Variants in CDK5 observed in about 807,000 individuals in gnomAD.
The protein encoded by CDK5 is cyclin dependent kinase 5, also known as cyclin-dependent kinase 5.
A neutral mutation model predicts 44.6 loss-of-function variants in CDK5; 18 were observed. The ratio of observed to expected loss-of-function variants is 0.40; its 90% confidence interval spans 0.28 to 0.60. The LOEUF (loss-of-function observed/expected upper bound fraction) is 0.60. Among genes scored for constraint, CDK5 ranks in the 20% least tolerant of loss-of-function variants. The pLI, the probability that CDK5 is intolerant of heterozygous loss-of-function variation, is 0.38. For missense variants in CDK5, 198 were observed against 368.1 expected (o/e 0.54, Z 3.78); for synonymous variants, 143 against 152.8 (o/e 0.94, Z 0.47).
chr7:151,054,012 G>A lies in CDK5; in HGVS notation c.876C>T (p.Pro292=). 2 of 1,589,658 alleles carry A rather than the reference G, an allele frequency of 1.3e-6. No homozygotes were observed. The highest frequency in any genetic ancestry group is 1.1e-5 in the South Asian group (1 of 87,392). Reference sequence around the variant, plus strand: ...TGGAGGCCGGGGGTCCCGGGGCCTAGGGCGGACAGAAGTCGGAGAAGTAGG... The same window carrying A: ...TGGAGGCCGGGGGTCCCGGGGCCTAAGGCGGACAGAAGTCGGAGAAGTAGG... ...QHPYFSDFCP[P] The change falls in exon 12 of 12, where the codon CCC becomes CCT. Residue 292 remains proline, a synonymous_variant. Transcript: ENST00000485972. The surrounding 1 kb of genome is among the most constrained non-coding windows in gnomAD (Gnocchi z 5.7).
chr7:151,054,527 G>A lies in CDK5; in HGVS notation c.651-62C>T, dbSNP rs1432982924. 4 of 1,485,216 alleles carry A rather than the reference G, an allele frequency of 2.7e-6. No homozygotes were observed. In the African/African-American group the frequency reaches 4.2e-5, roughly 15 times the overall value. 92.0% of individuals were successfully genotyped at this position (1,485,216 alleles called of 1,614,324 possible). On this transcript the variant is annotated intron_variant, in intron 9 of 11. Transcript: ENST00000485972. This position sits in a 1 kb window ranked among gnomAD's most constrained non-coding sequence, Gnocchi z 5.7. ...ACAGCTGCATCTTCAGGGGCAGGGT[G>A]AGGGCCTCTTCCCCTCCTGGGGAGG...
At position 151,055,521 on chromosome 7, in the gene CDK5, T is replaced by C. The variant is rs2069456; in HGVS notation, c.483+11A>G. The stretch of plus-strand genomic sequence containing the variant: ...CCCTCCCCCAATCCCATATCCCATC[T>C]TCTAGCTCACCTCAGCTGAGTAACA... On this transcript the variant is annotated intron_variant, in intron 7 of 11. Transcript: ENST00000485972. 7 of 1,612,402 alleles carry C rather than the reference T, an allele frequency of 4.3e-6. No individual in the cohort carries two copies. Among genetic ancestry groups the C allele is most frequent in the Non-Finnish European group, 5.1e-6 (6 of 1,178,846 alleles).
rs1365618168 is a variant in CDK5 at position 151,056,871 on chromosome 7, C to T, written c.194+37G>A. On this transcript the variant is annotated intron_variant, in intron 3 of 11. Transcript: ENST00000485972. The surrounding 1 kb of genome is among the most constrained non-coding windows in gnomAD (Gnocchi z 4.7). ...AGTGTCAGCCCCCGCCTCCCCCAAG[C>T]GGCCACACCGGCAAGGAGCACCCGC... 2 of 1,593,666 alleles carry T rather than the reference C, an allele frequency of 1.3e-6. No homozygotes were observed. The highest frequency in any genetic ancestry group is 1.7e-6 in the Non-Finnish European group (2 of 1,170,330).
Position 151,054,015 on chromosome 7 carries a change from C to A in CDK5, c.873G>T (p.Pro291=), listed in dbSNP as rs773329997. 1 of 1,590,750 alleles carries A rather than the reference C, an allele frequency of 6.3e-7. No homozygotes were observed. Among genetic ancestry groups the A allele is most frequent in the Admixed American group, 1.8e-5 (1 of 56,200 alleles). ...AGGCCGGGGGTCCCGGGGCCTAGGG[C>A]GGACAGAAGTCGGAGAAGTAGGGGT... is the stretch of plus-strand genomic sequence containing the variant. ...LQHPYFSDFC[P]P is the part of the protein sequence containing the mutation. Residue 291 remains proline (P), a synonymous_variant, in exon 12 of 12, where the codon CCG becomes CCT. Coordinates refer to ENST00000485972, the MANE Select transcript of CDK5 (RefSeq NM_004935.4). The surrounding 1 kb of genome is among the most constrained non-coding windows in gnomAD (Gnocchi z 5.7).
intron 8 of CDK5, 39 bp downstream of exon 8, chr7:151,055,238 T>C (rs776292430): frequency 1.3e-6 from 2 of 1,588,484 alleles, no homozygotes; most frequent in Non-Finnish European, 1.7e-6. Context: ...TCAACTCAAA[T>C]GGGAAAGAAG....
chr7:151,057,853 G>A lies in CDK5; in HGVS notation c.-5C>T, dbSNP rs752935256. The A allele has an allele frequency of 2.5e-6, 4 of 1,609,930 alleles. No individual in the cohort carries two copies. The East Asian group carries it at 6.7e-5, about 27-fold the overall frequency. On this transcript the variant is annotated 5_prime_UTR_variant, in exon 1 of 12. Coordinates refer to ENST00000485972, the MANE Select transcript of CDK5 (RefSeq NM_004935.4). The surrounding 1 kb of genome is among the most constrained non-coding windows in gnomAD (Gnocchi z 5.2). ...CAGTTTCTCGTATTTCTGCATCGCGGCGGCCGCGGGGACCCCTGCGGGCCC... is the reference window on the plus strand; with the variant it reads ...CAGTTTCTCGTATTTCTGCATCGCGACGGCCGCGGGGACCCCTGCGGGCCC...
chr7:151,056,526 CG>C lies in CDK5; in HGVS notation c.312+53del. The stretch of plus-strand genomic sequence containing the variant: ...CTTAGAGCCCAAGGGGTGCTTACAC[CG>C]AATGCAGACTCCGACCCCAGCCTGA... On this transcript the variant is annotated intron_variant, in intron 5 of 11. Coordinates refer to ENST00000485972, the MANE Select transcript of CDK5 (RefSeq NM_004935.4). The surrounding 1 kb of genome is among the most constrained non-coding windows in gnomAD (Gnocchi z 4.7). 6.5e-7 allele frequency: 1 copy of C among 1,532,436 alleles called. No homozygotes were observed. Among genetic ancestry groups the C allele is most frequent in the Admixed American group, 1.7e-5 (1 of 57,692 alleles). 94.9% of individuals were successfully genotyped at this position (1,532,436 alleles called of 1,614,324 possible). A position where few individuals can be genotyped will look rare whatever the true frequency, so the allele number is the denominator to read the frequency against.
In CDK5 at chr7:151,056,449, C is replaced by T. The variant is rs1796895999; in HGVS notation, c.312+131G>A. ...ACTGGAGACCCCTGGAGGACAGAAACAGGGTTTTCTCATTCTCTAACACCC... is the reference window on the plus strand; with the variant it reads ...ACTGGAGACCCCTGGAGGACAGAAATAGGGTTTTCTCATTCTCTAACACCC... On this transcript the variant is annotated intron_variant, in intron 5 of 11. Transcript: ENST00000485972. The surrounding 1 kb of genome is among the most constrained non-coding windows in gnomAD (Gnocchi z 4.7). 1 of 776,978 alleles carries T rather than the reference C, an allele frequency of 1.3e-6. No homozygotes were observed. Among genetic ancestry groups the T allele is most frequent in the Non-Finnish European group, 2.2e-6 (1 of 458,770 alleles). 48.1% of individuals were successfully genotyped at this position (776,978 alleles called of 1,614,324 possible).
chr7:151,055,172 T>G, intron 8 of CDK5, 76 bp from the exon 9 acceptor site: 1 of 1,570,090 alleles, frequency 6.4e-7, no homozygotes, highest in Non-Finnish European at 8.7e-7. Context: ...ACCTTCCAGC[T>G]CCAGTCCCAG....
Position 151,053,890 on chromosome 7 carries a change from C to T in CDK5, c.*119G>A, listed in dbSNP as rs894906606. On this transcript the variant is annotated 3_prime_UTR_variant, in exon 12 of 12. Transcript: ENST00000485972. ...GAGAAATTCGGGCTCAGGCACCCCA[C>T]CCCGGCTGGGCCCAGCACTGCTGGA... 3.6e-6 allele frequency: 3 copies of T among 830,576 alleles called. No individual in the cohort carries two copies. In the Admixed American group the frequency reaches 8.5e-5, roughly 23 times the overall value. The allele number at this position is 830,576 out of a possible 1,614,324, so 51.5% of individuals were successfully genotyped here.
Position 151,055,027 on chromosome 7 carries a change from C to A in CDK5, c.650G>T (p.Arg217Leu). The A allele has an allele frequency of 6.2e-7, 1 of 1,613,766 alleles. No individual in the cohort carries two copies. Among genetic ancestry groups the A allele is most frequent in the Non-Finnish European group, 8.5e-7 (1 of 1,179,786 alleles). ...DVDDQLKRIF[R>L]LLGTPTEEQW... ...TCAAGGCAGAGGAAAGCAAGGATAT[C>A]GGAAGATCCTCTTCAACTGGTCATC... is the stretch of plus-strand genomic sequence containing the variant. The change falls in exon 9 of 12, where the codon CGA (arginine) becomes CTA (leucine). Residue 217 changes from arginine (R) to leucine (L), a missense_variant and splice_region_variant. Coordinates refer to ENST00000485972, the MANE Select transcript of CDK5 (RefSeq NM_004935.4).
In CDK5 at chr7:151,054,199, C is replaced by T. The variant is rs765484613; in HGVS notation, c.792+13G>A. 1.2e-6 allele frequency: 2 copies of T among 1,609,574 alleles called. No individual in the cohort carries two copies. The highest frequency in any genetic ancestry group is 2.7e-5 in the African/African-American group (2 of 74,808). On this transcript the variant is annotated intron_variant, in intron 11 of 11. Coordinates refer to ENST00000485972, the MANE Select transcript of CDK5 (RefSeq NM_004935.4). The surrounding 1 kb of genome is among the most constrained non-coding windows in gnomAD (Gnocchi z 5.7). ...CAAGTGTCCTGACCCACCCTCTACC[C>T]CTGGTCACCTACCTGCAGCAGATCC...
intron 7 of CDK5, 21 bp downstream of exon 7, chr7:151,055,511 A>G (rs772051532): frequency 1.5e-5 from 24 of 1,610,570 alleles, no homozygotes; most frequent in Middle Eastern, 1.7e-4. Flanking sequence ...CCCCAATCCC[A>G]TATCCCATCT....
chr7:151,054,712 T>C lies in CDK5; in HGVS notation c.651-247A>G, dbSNP rs1796860419. 6.6e-6 allele frequency among the ~76,000 whole-genome samples: 1 copy of C among 152,194 alleles called. No individual in the cohort carries two copies. The highest frequency in any genetic ancestry group is 1.5e-5 in the Non-Finnish European group (1 of 68,024). ...GTCCTAGTCCTAATGAAACAGTCCT[T>C]GCCCTGCTCCCACAAAATGTGTCCT... On this transcript the variant is annotated intron_variant, in intron 9 of 11. Transcript: ENST00000485972. This position sits in a 1 kb window ranked among gnomAD's most constrained non-coding sequence, Gnocchi z 5.7.
In CDK5 at chr7:151,054,049, G is replaced by T; in HGVS notation, c.839C>A (p.Ala280Asp). 2 of 1,601,444 alleles carry T rather than the reference G, an allele frequency of 1.2e-6. No homozygotes were observed. Among genetic ancestry groups the T allele is most frequent in the Non-Finnish European group, 1.7e-6 (2 of 1,174,254 alleles). The change falls in exon 12 of 12, where the codon GCC (alanine) becomes GAC (aspartate). Residue 280 changes from alanine to aspartate, a missense_variant. Ala to Asp is a moderately radical substitution (Grantham distance 126, BLOSUM62 -2). Transcript: ENST00000485972. The surrounding 1 kb of genome is among the most constrained non-coding windows in gnomAD (Gnocchi z 5.7). ...GTCGGAGAAGTAGGGGTGCTGCAGG[G>T]CCTCTTCTGCTGAGATACGCTGGAC... ...NPVQRISAEE[A>D]LQHPYFSDFC...
chr7:151,057,346 AGGCTCCAGG>A lies in CDK5; in HGVS notation c.38-195_38-187del, dbSNP rs1322400607. The A allele has an allele frequency of 3.1e-6, 2 of 638,014 alleles. No individual in the cohort carries two copies. Among genetic ancestry groups the A allele is most frequent in the Non-Finnish European group, 5.6e-6 (2 of 354,182 alleles). 39.5% of individuals were successfully genotyped at this position (638,014 alleles called of 1,614,324 possible). A position where few individuals can be genotyped will look rare whatever the true frequency, so the allele number is the denominator to read the frequency against. ...GGGAGGGAGGAGAAGGTGCCCACCG[AGGCTCCAGG>A]GGCTCGGCAGGAGGGGCGAGTGCGG... On this transcript the variant is annotated intron_variant, in intron 1 of 11. Coordinates refer to ENST00000485972, the MANE Select transcript of CDK5 (RefSeq NM_004935.4). The surrounding 1 kb of genome is among the most constrained non-coding windows in gnomAD (Gnocchi z 5.2).
chr7:151,055,472 TCCTGGGGTTGGAGCTGAGGGA>T, intron 7 of CDK5, 39 bp downstream of exon 7: 1 of 1,570,332 alleles, frequency 6.4e-7, no homozygotes, highest in Admixed American at 1.7e-5. Context: ...ATGTTTTGGG[TCCTGGGGTTGGAGCTGAGGGA>T]CTCCCTCCCC....
Position 151,054,849 on chromosome 7 carries a change from G to T in CDK5, c.650+178C>A, listed in dbSNP as rs1156591307. On this transcript the variant is annotated intron_variant, in intron 9 of 11. Transcript: ENST00000485972. This position sits in a 1 kb window ranked among gnomAD's most constrained non-coding sequence, Gnocchi z 5.7. ...CTCCAAGCCACACCTTCTCCAGTGTGCATTTGCACTGTGACAATCAGGGTG... is the reference window on the plus strand; with the variant it reads ...CTCCAAGCCACACCTTCTCCAGTGTTCATTTGCACTGTGACAATCAGGGTG... 1.3e-5 allele frequency among the ~76,000 whole-genome samples: 2 copies of T among 152,104 alleles called. No individual in the cohort carries two copies. Among genetic ancestry groups the T allele is most frequent in the Non-Finnish European group, 2.9e-5 (2 of 68,014 alleles).
Position 151,054,288 on chromosome 7 carries a change from T to C in CDK5, c.716A>G (p.Tyr239Cys), listed in dbSNP as rs1181664063. 6.2e-7 allele frequency: 1 copy of C among 1,613,458 alleles called. No homozygotes were observed. Among genetic ancestry groups the C allele is most frequent in the Non-Finnish European group, 8.5e-7 (1 of 1,179,740 alleles). Residue 239 changes from tyrosine to cysteine, a missense_variant, in exon 11 of 12, where the codon TAT (tyrosine) becomes TGT (cysteine). By Grantham distance (194) the Tyr-to-Cys change is radical (BLOSUM62 -2). Transcript: ENST00000485972. The surrounding 1 kb of genome is among the most constrained non-coding windows in gnomAD (Gnocchi z 5.7). ...SMTKLPDYKP[Y>C]PMYPATTSLV... ...GGATGTTGTGGCCGGGTACATCGGA[T>C]AGGGCTGTGGAGAGGCAGGGAGGGT...
Sources: allele counts gnomAD v4.1 joint callset (sites outside exome capture counted in the v4.1 genomes callset), GRCh38; gene constraint gnomAD v4.1.1; non-coding constraint Gnocchi (gnomAD v3.1); transcripts MANE v1.5; gene names NCBI Gene and HGNC (gene_info 2026-07-23, HGNC 2026-07-21).